HLX: variants seen among roughly 807,000 people sequenced by gnomAD.
The protein encoded by HLX is H2.0 like homeobox, also known as H2.0-like homeobox protein.
In HLX, 6 loss-of-function variants were observed where a neutral mutation model predicts 27.7. The observed-to-expected ratio is 0.22, with a 90% CI of 0.12 to 0.43. The LOEUF is 0.43. Ranked by LOEUF, HLX falls within the 20% of genes least tolerant of loss-of-function variation. The pLI is 1.00. For missense variants in HLX, 666 were observed against 655.2 expected (o/e 1.02, Z -0.18); for synonymous variants, 328 against 293.8 (o/e 1.12, Z -1.19).
chr1:220,882,435 G>C, intron 3 of HLX, 87 bp downstream of exon 3: 1 of 1,265,354 alleles, frequency 7.9e-7, no homozygotes, highest in Non-Finnish European at 1.1e-6. Context: ...CATCCCGGCC[G>C]ACTGGCCTCC....
chr1:220,882,147 C>T lies in HLX; in HGVS notation c.773-17C>T. 2 of 1,613,682 alleles carry T rather than the reference C, an allele frequency of 1.2e-6. No individual in the cohort carries two copies. The highest frequency in any genetic ancestry group is 1.7e-6 in the Non-Finnish European group (2 of 1,179,666). ...GCCCTCTTGTCTTTCTTCCCTCTGG[C>T]TCCCGTTCTGCGGCAGGTCCCTATG... is the stretch of plus-strand genomic sequence containing the variant. On this transcript the variant is annotated splice_polypyrimidine_tract_variant and intron_variant, in intron 2 of 3. Transcript: ENST00000366903.
chr1:220,881,866 C>A (rs986314331), intron 2 of HLX: 10 of 450,598 alleles, frequency 2.2e-5, no homozygotes, highest in Non-Finnish European at 4.1e-5. Context: ...ACATTTTTGT[C>A]TACTCTTCGT....
chr1:220,879,934 G>T lies in HLX; in HGVS notation c.77G>T (p.Gly26Val), dbSNP rs780657141. ...LWSAAYCSSA[G>V]PGGCSFPLDP... ...TCGGCCGCTTACTGCTCCTCGGCCG[G>T]CCCAGGCGGCTGCTCCTTCCCCTTG... Residue 26 changes from glycine to valine, a missense_variant, in exon 1 of 4, where the codon GGC becomes GTC. Coordinates refer to ENST00000366903, the MANE Select transcript of HLX (RefSeq NM_021958.4). 3.1e-6 allele frequency: 5 copies of T among 1,597,716 alleles called. No homozygotes were observed. The highest frequency in any genetic ancestry group is 3.4e-6 in the Non-Finnish European group (4 of 1,178,264).
In HLX at chr1:220,880,406, T is replaced by C; in HGVS notation, c.549T>C (p.Ser183=). 2 of 1,614,084 alleles carry C rather than the reference T, an allele frequency of 1.2e-6. No individual in the cohort carries two copies. The highest frequency in any genetic ancestry group is 1.7e-6 in the Non-Finnish European group (2 of 1,180,032). The stretch of plus-strand genomic sequence containing the variant: ...AATTTGGAATTGACCGCATTTTATC[T>C]GCAGAATTTGACCCAAAAGTCAAAG... The part of the protein sequence containing the change: ...DLKFGIDRIL[S]AEFDPKVKEG... The change falls in exon 1 of 4, where the codon TCT becomes TCC. Residue 183 remains serine (S), a synonymous_variant. Coordinates refer to ENST00000366903, the MANE Select transcript of HLX (RefSeq NM_021958.4).
Position 220,884,576 on chromosome 1 carries a change from A to G in HLX, c.1339A>G (p.Thr447Ala). The G allele has an allele frequency of 6.2e-7, 1 of 1,608,022 alleles. No individual in the cohort carries two copies. Among genetic ancestry groups the G allele is most frequent in the Non-Finnish European group, 8.5e-7 (1 of 1,177,290 alleles). ...CGCCAGCAGTCTTAGTAGCAGCAGC[A>G]CCAGTGCGGGTTGCGCCAGCAGCCT... ...SSASSLSSSS[T>A]SAGCASSLGG... is the part of the protein sequence containing the mutation. Residue 447 changes from threonine to alanine, a missense_variant, in exon 4 of 4, where the codon ACC becomes GCC. Thr to Ala is a moderately conservative substitution (Grantham distance 58, BLOSUM62 0). Coordinates refer to ENST00000366903, the MANE Select transcript of HLX (RefSeq NM_021958.4). The surrounding 1 kb of genome is among the most constrained non-coding windows in gnomAD (Gnocchi z 4.9).
chr1:220,880,351 C>T lies in HLX; in HGVS notation c.494C>T (p.Ser165Phe), dbSNP rs150557175. 5.0e-6 allele frequency: 8 copies of T among 1,614,090 alleles called. No individual in the cohort carries two copies. The highest frequency in any genetic ancestry group is 1.3e-5 in the African/African-American group (1 of 75,044). Residue 165 changes from serine to phenylalanine, a missense_variant, in exon 1 of 4, where the codon TCT becomes TTT. Physicochemically the swap from Ser to Phe is radical, Grantham distance 155. Transcript: ENST00000366903. ...RVVPNPHHSG[S>F]APAPSSKDLK... is the part of the protein sequence containing the mutation. ...GTTCCGAACCCCCACCACAGTGGCT[C>T]TGCCCCGGCCCCCTCCAGCAAAGAC...
Position 220,880,144 on chromosome 1 carries a change from C to A in HLX, c.287C>A (p.Thr96Asn), listed in dbSNP as rs375393771. 62 of 1,611,576 alleles carry A rather than the reference C, an allele frequency of 3.8e-5. No homozygotes were observed. Among genetic ancestry groups the A allele is most frequent in the Admixed American group, 8.3e-5 (5 of 59,924 alleles). Reference sequence around the variant, plus strand: ...GCGGCCAGATCCCCGCTTCGACCCACCCCAGTGGTGGCGCCCTCCGAAGTC... The same window carrying A: ...GCGGCCAGATCCCCGCTTCGACCCAACCCAGTGGTGGCGCCCTCCGAAGTC... ...QAAARSPLRP[T>N]PVVAPSEVPA... Residue 96 changes from threonine (T) to asparagine (N), a missense_variant, in exon 1 of 4, where the codon ACC (threonine) becomes AAC (asparagine). Transcript: ENST00000366903.
chr1:220,882,577 C>T (rs1674480544), intron 3 of HLX: 3 of 562,490 alleles, frequency 5.3e-6, no homozygotes, highest in Non-Finnish European at 9.6e-6. Flanking sequence ...AGATGTGTGT[C>T]AACAAGCACT....
At position 220,880,215 on chromosome 1, in the gene HLX, C is replaced by T. The variant is rs1273461667; in HGVS notation, c.358C>T (p.His120Tyr). The T allele has an allele frequency of 1.5e-5, 24 of 1,612,372 alleles. No homozygotes were observed. Among genetic ancestry groups the T allele is most frequent in the Non-Finnish European group, 1.9e-5 (22 of 1,178,814 alleles). The part of the protein sequence containing the change: ...QRLSPLSAAY[H>Y]HHHPQQQQQQ... The stretch of plus-strand genomic sequence containing the variant: ...GCTGTCTCCGCTCTCAGCCGCCTAC[C>T]ACCACCATCACCCGCAACAACAACA... Residue 120 changes from histidine to tyrosine, a missense_variant, in exon 1 of 4, where the codon CAC becomes TAC. His to Tyr is a moderately conservative substitution (Grantham distance 83). Coordinates refer to ENST00000366903, the MANE Select transcript of HLX (RefSeq NM_021958.4).
chr1:220,883,963 T>C, intron 3 of HLX: 1 of 582,426 alleles, frequency 1.7e-6, no homozygotes, highest in Non-Finnish European at 3.1e-6. Flanking sequence ...GGGTTGCATT[T>C]TGAAAACGGT....
chr1:220,881,095 T>A (rs1024132116), intron 1 of HLX, 99 bp from the exon 2 acceptor site: 1 of 1,117,602 alleles, frequency 8.9e-7, no homozygotes, highest in African/African-American at 1.6e-5. Flanking sequence ...CTTCGCTCAA[T>A]AAAAGTGAAT....
rs1317940554 is a variant in HLX, at chr1:220,880,069, C to A, written c.212C>A (p.Ala71Asp). ...GGCCTGGCAGGGGCCTCGGCCGCCG[C>A]CCTCACCGCGCACTTGGGCTCGGTT... ...PEGLAGASAAALTAHLGSVHP... is the reference protein window; with the variant it reads ...PEGLAGASAADLTAHLGSVHP... The change falls in exon 1 of 4, where the codon GCC becomes GAC. Residue 71 changes from alanine (A) to aspartate (D), a missense_variant. Coordinates refer to ENST00000366903, the MANE Select transcript of HLX (RefSeq NM_021958.4). 2 of 1,590,116 alleles carry A rather than the reference C, an allele frequency of 1.3e-6. No homozygotes were observed. The highest frequency in any genetic ancestry group is 2.3e-5 in the East Asian group (1 of 44,368).
At position 220,884,376 on chromosome 1, in the gene HLX, A is replaced by G. The variant is rs1420405641; in HGVS notation, c.1139A>G (p.Asp380Gly). The G allele has an allele frequency of 3.7e-6, 6 of 1,613,118 alleles. No individual in the cohort carries two copies. Among genetic ancestry groups the G allele is most frequent in the Non-Finnish European group, 5.1e-6 (6 of 1,179,842 alleles). Residue 380 changes from aspartate (D) to glycine (G), a missense_variant, in exon 4 of 4, where the codon GAC becomes GGC. Transcript: ENST00000366903. The surrounding 1 kb of genome is among the most constrained non-coding windows in gnomAD (Gnocchi z 4.9). ...SEGEAESESS[D>G]SESLDMAPSD... ...GGCGAGGCTGAGAGCGAGAGCAGCG[A>G]CTCCGAGTCCCTGGACATGGCCCCC...
In HLX at chr1:220,881,319, T is replaced by G; in HGVS notation, c.718T>G (p.Leu240Val). Residue 240 changes from leucine (L) to valine (V), a missense_variant, in exon 2 of 4, where the codon TTA becomes GTA. Coordinates refer to ENST00000366903, the MANE Select transcript of HLX (RefSeq NM_021958.4). ...INEASAILSP[L>V]NSNPRNSVQH... ...CGAGGCTTCTGCAATCCTGAGTCCC[T>G]TAAACTCGAACCCAAGAAATTCAGT... The G allele has an allele frequency of 3.1e-6, 5 of 1,614,112 alleles. No homozygotes were observed. The highest frequency in any genetic ancestry group is 3.4e-6 in the Non-Finnish European group (4 of 1,179,924).
At chr1:220,882,742 G>GT (rs1164002365) in intron 3 of HLX, 3 of 187,214 alleles carry the variant, frequency 1.6e-5, no homozygotes, top group East Asian at 1.4e-4. Context: ...TTGTTGTTGG[G>GT]TTTTTTTCCC....
chr1:220,884,890 G>A lies in HLX; in HGVS notation c.*186G>A, dbSNP rs938729599. 1.2e-4 allele frequency: 110 copies of A among 934,638 alleles called. No homozygotes were observed. The highest frequency in any genetic ancestry group is 5.7e-5 in the Admixed American group (2 of 35,098). 57.9% of individuals were successfully genotyped at this position (934,638 alleles called of 1,614,324 possible). On this transcript the variant is annotated 3_prime_UTR_variant, in exon 4 of 4. Transcript: ENST00000366903. The surrounding 1 kb of genome is among the most constrained non-coding windows in gnomAD (Gnocchi z 4.9). ...GCAGCGGACACTGCCCAAAGCAGAG[G>A]GGAGTCTCAGTGTCCTGCTAGCCAG... is the stretch of plus-strand genomic sequence containing the variant.
At position 220,879,820 on chromosome 1, in the gene HLX, G is replaced by A. The variant is rs754595392; in HGVS notation, c.-38G>A. On this transcript the variant is annotated 5_prime_UTR_variant, in exon 1 of 4. Transcript: ENST00000366903. ...CCCCGCGCGCCCACCCACCCAGTCC[G>A]GCTGGACTGCGGCAGCCGCGCGGCT... The A allele has an allele frequency of 1.5e-5, 23 of 1,536,796 alleles. No individual in the cohort carries two copies. The highest frequency in any genetic ancestry group is 7.1e-5 in the South Asian group (6 of 84,418).
chr1:220,884,585 G>T lies in HLX; in HGVS notation c.1348G>T (p.Gly450Cys). 1 of 1,607,780 alleles carries T rather than the reference G, an allele frequency of 6.2e-7. No homozygotes were observed. The highest frequency in any genetic ancestry group is 2.2e-5 in the East Asian group (1 of 44,698). The change falls in exon 4 of 4, where the codon GGT (glycine) becomes TGT (cysteine). Residue 450 changes from glycine (G) to cysteine (C), a missense_variant. Transcript: ENST00000366903. The surrounding 1 kb of genome is among the most constrained non-coding windows in gnomAD (Gnocchi z 4.9). Reference sequence around the variant, plus strand: ...TCTTAGTAGCAGCAGCACCAGTGCGGGTTGCGCCAGCAGCCTTGGCGGCGG... The same window carrying T: ...TCTTAGTAGCAGCAGCACCAGTGCGTGTTGCGCCAGCAGCCTTGGCGGCGG... ...SSLSSSSTSA[G>C]CASSLGGGGA... is the part of the protein sequence containing the mutation.
chr1:220,882,398 G>GCA (rs755621346), intron 3 of HLX, 50 bp downstream of exon 3: 27 of 1,564,230 alleles, frequency 1.7e-5, no homozygotes, highest in Non-Finnish European at 2.4e-5. Context: ...GGGCAGCAGC[G>GCA]CACGGCCTAG....
Sources: allele counts gnomAD v4.1 joint callset, GRCh38; gene constraint gnomAD v4.1.1; non-coding constraint Gnocchi (gnomAD v3.1); transcripts MANE v1.5; gene names NCBI Gene and HGNC (gene_info 2026-07-23, HGNC 2026-07-21).